COL15A1: variants seen among roughly 807,000 people sequenced by gnomAD.
The protein encoded by COL15A1 is collagen alpha-1(XV) chain.
Under a neutral mutation model 165.9 loss-of-function variants are expected in COL15A1, and 111 were observed. The ratio of observed to expected loss-of-function variants is 0.67; its 90% CI spans 0.57 to 0.78. The LOEUF (loss-of-function observed/expected upper bound fraction) is 0.78. Ranked by LOEUF, COL15A1 falls within the 30% of genes least tolerant of loss-of-function variation. The pLI is 0.00. For missense variants in COL15A1, 1,745 were observed against 1,789.7 expected, an observed-to-expected ratio of 0.98 and a Z score of 0.45; for synonymous variants, 659 against 674.8, an observed-to-expected ratio of 0.98 and a Z score of 0.36.
chr9:98,989,762 C>T (rs1027754751), intron 5 of COL15A1, among the ~76,000 whole-genome samples: 3 of 152,162 alleles, frequency 2.0e-5, no homozygotes, highest in African/African-American at 7.2e-5. Flanking sequence ...CAGTCAGGAC[C>T]CCAGTCTTGT....
At chr9:99,029,575 C>A (rs1839181959) in intron 16 of COL15A1, among the ~76,000 whole-genome samples, 1 of 152,160 alleles carries the variant, frequency 6.6e-6, no homozygotes, top group Non-Finnish European at 1.5e-5. Flanking sequence ...TATTTTATAT[C>A]TTCTTTCATT....
At chr9:99,004,118 A>T (rs558051797) in intron 8 of COL15A1, among the ~76,000 whole-genome samples, 1 of 152,296 alleles carries the variant, frequency 6.6e-6, no homozygotes, top group African/African-American at 2.4e-5. Context: ...AAATGGCTGG[A>T]GAGGCTCTAA....
chr9:99,068,358 G>A (rs1025145901), intron 40 of COL15A1, among the ~76,000 whole-genome samples, 197 bp from the exon 41 acceptor site: 5 of 151,802 alleles, frequency 3.3e-5, no homozygotes, highest in Non-Finnish European at 7.4e-5. Context: ...CCAGCTACTC[G>A]GGAGGCTGAG....
chr9:99,056,743 A>G (rs1254729202), intron 35 of COL15A1, among the ~76,000 whole-genome samples: 1 of 152,148 alleles, frequency 6.6e-6, no homozygotes, highest in Non-Finnish European at 1.5e-5. Flanking sequence ...CTGGGCAACC[A>G]TGAATCTACT....
intron 9 of COL15A1, among the ~76,000 whole-genome samples, chr9:99,011,642 T>A (rs1042599592): frequency 6.6e-6 from 1 of 152,112 alleles, no homozygotes; most frequent in Non-Finnish European, 1.5e-5. Context: ...CACTTTTTTT[T>A]AGAAAGAATG....
At chr9:98,982,823 G>A (rs962428817) in intron 2 of COL15A1, among the ~76,000 whole-genome samples, 1 of 151,764 alleles carries the variant, frequency 6.6e-6, no homozygotes, top group African/African-American at 2.4e-5. Context: ...TTGTGGAGAT[G>A]AGGTCTCACT....
intron 5 of COL15A1, among the ~76,000 whole-genome samples, chr9:98,990,049 G>C (rs1387412873): frequency 1.3e-5 from 2 of 152,216 alleles, no homozygotes; most frequent in Non-Finnish European, 2.9e-5. Context: ...AGAAATCAGG[G>C]AGATGGAAAT....
At chr9:99,050,996 A>C (rs1453023786) in intron 30 of COL15A1, among the ~76,000 whole-genome samples, 1 of 152,234 alleles carries the variant, frequency 6.6e-6, no homozygotes, top group Non-Finnish European at 1.5e-5. Context: ...ACATGGAGAC[A>C]ACAGCAACCC....
chr9:98,975,852 TG>T (rs1838134104), intron 2 of COL15A1, among the ~76,000 whole-genome samples: 1 of 151,812 alleles, frequency 6.6e-6, no homozygotes, highest in South Asian at 2.1e-4. Context: ...AGAGTGAGAG[TG>T]GGGCCCCCGT....
intron 31 of COL15A1, among the ~76,000 whole-genome samples, chr9:99,053,131 G>A (rs2117901013): frequency 6.6e-6 from 1 of 152,364 alleles, no homozygotes; most frequent in South Asian, 2.1e-4. Context: ...CAGGCCAGGG[G>A]ATGGGGCCTG....
chr9:99,058,176 C>G (rs1825756675), intron 35 of COL15A1, among the ~76,000 whole-genome samples: 1 of 152,204 alleles, frequency 6.6e-6, no homozygotes, highest in Non-Finnish European at 1.5e-5. Flanking sequence ...TTACAGCTTC[C>G]ACTGTCAGCT....
rs1838519680 is a variant in COL15A1 at position 98,995,002 on chromosome 9, C to A, written c.805-1932C>A. Among the ~76,000 whole-genome samples, 3 of 152,162 alleles carry A rather than the reference C, an allele frequency of 2.0e-5. No individual in the cohort carries two copies. The South Asian group carries it at 6.2e-4, about 32-fold the overall frequency. On this transcript the variant is annotated intron_variant, in intron 5 of 41. Coordinates refer to ENST00000375001, the MANE Select transcript of COL15A1 (RefSeq NM_001855.5). ...CGTTGTCTTCCTATGTTTCCTGAAC[C>A]CTCACCTGCCCTGCCCGCCTCATCC...
At chr9:99,040,341 T>C (rs1439996308) in intron 22 of COL15A1, among the ~76,000 whole-genome samples, 180 bp from the exon 23 acceptor site, 1 of 152,084 alleles carries the variant, frequency 6.6e-6, no homozygotes, top group Non-Finnish European at 1.5e-5. Flanking sequence ...CCAGTCACTG[T>C]CCTCCCCTTG....
chr9:99,047,691 C>T (rs528960923), intron 26 of COL15A1, 95 bp from the exon 27 acceptor site: 7 of 1,292,556 alleles, frequency 5.4e-6, no homozygotes, highest in African/African-American at 2.9e-5. Flanking sequence ...AGTGGATCAT[C>T]GTCACCACTG....
chr9:98,967,639 C>T (rs557105641), intron 2 of COL15A1, among the ~76,000 whole-genome samples: 5 of 152,328 alleles, frequency 3.3e-5, no homozygotes, highest in African/African-American at 9.6e-5. Flanking sequence ...AAAGCGCTGT[C>T]TCTACCATCT....
At chr9:98,992,054 C>T (rs1394507385) in intron 5 of COL15A1, among the ~76,000 whole-genome samples, 10 of 152,408 alleles carry the variant, frequency 6.6e-5, no homozygotes, top group South Asian at 4.1e-4. Flanking sequence ...CAGCTGGCTT[C>T]GCCTAGTGGA....
At position 99,047,921 on chromosome 9, in the gene COL15A1, G is replaced by A; in HGVS notation, c.2734-20G>A. 6.2e-7 allele frequency: 1 copy of A among 1,609,590 alleles called. No individual in the cohort carries two copies. The highest frequency in any genetic ancestry group is 8.5e-7 in the Non-Finnish European group (1 of 1,175,948). The stretch of plus-strand genomic sequence containing the variant: ...GTCTGTGGGCGGAGGGTTTACTGAG[G>A]TGTCTGCTGTGGGTTCCAGGGTCGC... On this transcript the variant is annotated intron_variant, in intron 27 of 41. Transcript: ENST00000375001.
At chr9:99,023,055 C>T (rs576536994) in intron 13 of COL15A1, among the ~76,000 whole-genome samples, 55 of 152,140 alleles carry the variant, frequency 3.6e-4, no homozygotes, top group Non-Finnish European at 6.5e-4. Flanking sequence ...TGCCTGGAAA[C>T]GGGGTAGGGA....
At chr9:99,024,615 GC>G (rs1255515226) in intron 14 of COL15A1, among the ~76,000 whole-genome samples, 1 of 152,140 alleles carries the variant, frequency 6.6e-6, no homozygotes, top group Non-Finnish European at 1.5e-5. Flanking sequence ...CTTGTATTCA[GC>G]CTTTTGGGAG....
Sources: allele counts gnomAD v4.1 joint callset (sites outside exome capture counted in the v4.1 genomes callset), GRCh38; gene constraint gnomAD v4.1.1; transcripts MANE v1.5; gene names NCBI Gene and HGNC (gene_info 2026-07-23, HGNC 2026-07-21).